Variants in ADGRL3 observed in about 807,000 individuals in gnomAD.
ADGRL3 encodes adhesion G protein-coupled receptor L3, also known as calcium-independent alpha-latrotoxin receptor 3.
Under a neutral mutation model 153.5 loss-of-function variants are expected in ADGRL3, and 62 were observed. The ratio of observed to expected loss-of-function variants is 0.40; its 90% CI spans 0.33 to 0.50. The LOEUF (loss-of-function observed/expected upper bound fraction) is 0.50. ADGRL3 is among the 20% of genes least tolerant of loss of function. ADGRL3 has a pLI of 0.47. For missense variants in ADGRL3, 1,641 were observed against 1,859.4 expected, an observed-to-expected ratio of 0.88 and a Z score of 2.16; for synonymous variants, 710 against 672.5, an observed-to-expected ratio of 1.06 and a Z score of -0.86.
chr4:61,241,395 AT>A (rs1754901519), intron 1 of ADGRL3, among the ~76,000 whole-genome samples: 2 of 152,056 alleles, frequency 1.3e-5, no homozygotes, highest in Admixed American at 1.3e-4. Flanking sequence ...TTATCAGGAA[AT>A]TGGGCACCAT....
At chr4:61,317,070 A>G (rs1302846440) in intron 1 of ADGRL3, among the ~76,000 whole-genome samples, 1 of 152,218 alleles carries the variant, frequency 6.6e-6, no homozygotes, top group East Asian at 1.9e-4. Context: ...CATTATCTAG[A>G]AAGGTATAAG....
chr4:61,571,366 A>C (rs2098837964), intron 4 of ADGRL3, among the ~76,000 whole-genome samples: 1 of 150,930 alleles, frequency 6.6e-6, no homozygotes, highest in East Asian at 1.9e-4. Context: ...AAATAAAATT[A>C]GCTTGGTATG....
At chr4:61,837,963 C>T (rs1026412605) in intron 9 of ADGRL3, among the ~76,000 whole-genome samples, 2 of 151,968 alleles carry the variant, frequency 1.3e-5, no homozygotes, top group African/African-American at 2.4e-5. Flanking sequence ...GTTCCATTGT[C>T]ATGATGTGCT....
chr4:61,546,778 C>A (rs2098715577), intron 4 of ADGRL3, among the ~76,000 whole-genome samples: 1 of 152,112 alleles, frequency 6.6e-6, no homozygotes, highest in Non-Finnish European at 1.5e-5. Context: ...GTAGCTGTTA[C>A]ATTGTGAATA....
intron 17 of ADGRL3, among the ~76,000 whole-genome samples, chr4:61,949,634 G>T (rs2098939415): frequency 1.3e-5 from 2 of 152,002 alleles, no homozygotes; most frequent in Admixed American, 6.6e-5. Context: ...GGCAGAGGTT[G>T]CAGTGAGCCG....
At chr4:61,402,507 A>G (rs545363053) in intron 2 of ADGRL3, among the ~76,000 whole-genome samples, 1 of 152,104 alleles carries the variant, frequency 6.6e-6, no homozygotes, top group Non-Finnish European at 1.5e-5. Flanking sequence ...AGATCAACTT[A>G]AAAATGTTAA....
At chr4:61,483,516 T>A (rs997110057) in intron 2 of ADGRL3, among the ~76,000 whole-genome samples, 7 of 152,148 alleles carry the variant, frequency 4.6e-5, no homozygotes, top group African/African-American at 1.7e-4. Flanking sequence ...GGTGGGCAGA[T>A]CACCTGAAGT....
Position 61,646,402 on chromosome 4 carries a change from C to T in ADGRL3, c.474-30424C>T, listed in dbSNP as rs571390440. Reference sequence around the variant, plus strand: ...CCAGTTTTTCTGCTCTGTTTTTTCCCCATCTTTGTGGTTTTATCTACTTTT... The same window carrying T: ...CCAGTTTTTCTGCTCTGTTTTTTCCTCATCTTTGTGGTTTTATCTACTTTT... On this transcript the variant is annotated intron_variant, in intron 5 of 26. Coordinates refer to ENST00000683033, the MANE Select transcript of ADGRL3 (RefSeq NM_001387552.1). Among the ~76,000 whole-genome samples, 17 of 151,918 alleles carry T rather than the reference C, an allele frequency of 1.1e-4. No homozygotes were observed. In the East Asian group the frequency reaches 3.3e-3, roughly 30 times the overall value.
chr4:61,980,267 G>C (rs1466815062), intron 18 of ADGRL3, among the ~76,000 whole-genome samples: 1 of 117,616 alleles, frequency 8.5e-6, no homozygotes, highest in Admixed American at 9.0e-5. Context: ...TGCTTCCTCT[G>C]TTTATCCCCC....
At chr4:61,597,568 A>G (rs1323472191) in intron 5 of ADGRL3, among the ~76,000 whole-genome samples, 6 of 151,986 alleles carry the variant, frequency 3.9e-5, no homozygotes, top group Non-Finnish European at 8.8e-5. Flanking sequence ...CTTTACCAAT[A>G]CAAACATTTT....
At chr4:61,652,635 T>C (rs1432486182) in intron 5 of ADGRL3, among the ~76,000 whole-genome samples, 1 of 152,220 alleles carries the variant, frequency 6.6e-6, no homozygotes, top group Admixed American at 6.5e-5. Flanking sequence ...TATTATGGTG[T>C]ATATTTAAAA....
chr4:61,646,585 G>GC (rs2093997053), intron 5 of ADGRL3, among the ~76,000 whole-genome samples: 1 of 151,440 alleles, frequency 6.6e-6, no homozygotes, highest in Non-Finnish European at 1.5e-5. Flanking sequence ...CAGTTAGGCT[G>GC]TTCGGGGGTC....
chr4:62,022,355 C>G (rs1287964611), intron 21 of ADGRL3, among the ~76,000 whole-genome samples: 1 of 152,072 alleles, frequency 6.6e-6, no homozygotes, highest in East Asian at 1.9e-4. Context: ...GGAAAGAAGC[C>G]AGCTCCATAA....
chr4:61,884,874 C>T (rs1012875729), intron 9 of ADGRL3, among the ~76,000 whole-genome samples: 17 of 151,764 alleles, frequency 1.1e-4, no homozygotes, highest in Non-Finnish European at 2.1e-4. Flanking sequence ...ATCCGCCCAC[C>T]TCGGCCTCCC....
In ADGRL3 at chr4:61,996,271, TC is replaced by T; in HGVS notation, c.3237-17del. The T allele has an allele frequency of 6.3e-7, 1 of 1,587,170 alleles. No homozygotes were observed. Among genetic ancestry groups the T allele is most frequent in the Non-Finnish European group, 8.6e-7 (1 of 1,156,090 alleles). ...ATACCCAGTCCTTGAATACCTTCTC[TC>T]CCTTGTGTTTCATTGCAGATGTTGG... On this transcript the variant is annotated intron_variant, in intron 19 of 26. Transcript: ENST00000683033.
chr4:62,003,655 G>T (rs1171719059), intron 21 of ADGRL3, among the ~76,000 whole-genome samples: 1 of 152,158 alleles, frequency 6.6e-6, no homozygotes, highest in Non-Finnish European at 1.5e-5. Context: ...GAAATGCCCT[G>T]CTGCCTTTGA....
At chr4:61,421,697 A>C (rs1279928080) in intron 2 of ADGRL3, among the ~76,000 whole-genome samples, 1 of 152,092 alleles carries the variant, frequency 6.6e-6, no homozygotes. Flanking sequence ...AAATCACTTA[A>C]TTTCTATAAA....
At chr4:61,496,865 C>G (rs1276468056) in intron 2 of ADGRL3, among the ~76,000 whole-genome samples, 1 of 151,434 alleles carries the variant, frequency 6.6e-6, no homozygotes, top group East Asian at 2.0e-4. Context: ...GGCGTGAACC[C>G]GGGAGGCGGA....
At chr4:61,956,775 A>C (rs1350265204) in intron 17 of ADGRL3, among the ~76,000 whole-genome samples, 2 of 152,144 alleles carry the variant, frequency 1.3e-5, no homozygotes, top group Non-Finnish European at 2.9e-5. Flanking sequence ...TTTTCCCAGC[A>C]CCATTTATTG....
Sources: gnomAD v4.1 joint callset for allele counts (sites outside exome capture counted in the v4.1 genomes callset) on GRCh38, gnomAD v4.1.1 for gene constraint, MANE v1.5 for transcripts, NCBI Gene and HGNC (gene_info 2026-07-23, HGNC 2026-07-21) for gene names.